Variants in PBRM1 observed in about 807,000 individuals in gnomAD.
The protein encoded by PBRM1 is polybromo 1.
PBRM1 carries 27 observed loss-of-function variants against 194.5 expected under a neutral mutation model. The observed-to-expected ratio is 0.14, with a 90% CI of 0.10 to 0.19. The LOEUF is 0.19. PBRM1 is among the 10% of genes least tolerant of loss of function. PBRM1 has a pLI of 1.00. For missense variants in PBRM1, 1,466 were observed against 2,077.2 expected (o/e 0.71, Z 5.72); for synonymous variants, 655 against 693.2 (o/e 0.94, Z 0.87).
rs543268485 is a variant in PBRM1, at chr3:52,565,646, T to C, written c.3692-1413A>G. ...GTAAGAGTCTAGTATACAGAATATA[T>C]ATTCCTACAACTCAACATTAAGACA... On this transcript the variant is annotated intron_variant, in intron 22 of 29. Transcript: ENST00000296302. Among the ~76,000 whole-genome samples, 137 of 152,116 alleles carry C rather than the reference T, an allele frequency of 9.0e-4. 1 individual carries two copies. The highest frequency in any genetic ancestry group is 3.4e-3 in the Middle Eastern group (1 of 294).
intron 17 of PBRM1, among the ~76,000 whole-genome samples, chr3:52,593,979 A>G (rs1258723237): frequency 6.6e-6 from 1 of 152,308 alleles, no homozygotes; most frequent in Admixed American, 6.5e-5. Context: ...CCGGAATATC[A>G]TTGTTAATTT....
At position 52,609,733 on chromosome 3, in the gene PBRM1, T is replaced by C. The variant is rs569156539; in HGVS notation, c.2147A>G (p.Asn716Ser). 1.4e-4 allele frequency: 227 copies of C among 1,610,078 alleles called. 1 individual carries two copies. The South Asian group carries it at 2.3e-3, about 16-fold the overall frequency. ...CATAGAGTCAATATCTTGGTACTTGTTGGCCATCATGTGACTTCGAATTTT... is the reference window on the plus strand; with the variant it reads ...CATAGAGTCAATATCTTGGTACTTGCTGGCCATCATGTGACTTCGAATTTT... Residue 716 changes from asparagine (N) to serine (S), a missense_variant, in exon 16 of 30, where the codon AAC becomes AGC. By Grantham distance (46) the Asn-to-Ser change is conservative (BLOSUM62 1). Transcript: ENST00000296302. The surrounding 1 kb of genome is among the most constrained non-coding windows in gnomAD (Gnocchi z 4.1).
exon 29 of PBRM1, chr3:52,550,535 C>T: frequency 6.4e-7 from 1 of 1,571,332 alleles, no homozygotes; most frequent in East Asian, 2.2e-5. Flanking sequence ...GGGGGAGCTA[C>T]AAACATGGGT....
At chr3:52,589,034 C>T (rs1452343083) in intron 18 of PBRM1, 36 bp downstream of exon 20, 3 of 1,491,986 alleles carry the variant, frequency 2.0e-6, no homozygotes, top group Non-Finnish European at 2.8e-6. Flanking sequence ...ACAGTCATAT[C>T]TCACTAAACT....
intron 4 of PBRM1, among the ~76,000 whole-genome samples, chr3:52,659,501 A>G (rs2096674251): frequency 1.3e-5 from 2 of 152,140 alleles, no homozygotes. Context: ...GGCTCACTGC[A>G]GCCTCTAACT....
intron 22 of PBRM1, among the ~76,000 whole-genome samples, chr3:52,567,565 C>CAAAAAAAAAAAAAAAAGAAAAA (rs2085673379): frequency 1.1e-5 from 1 of 91,704 alleles, no homozygotes; most frequent in Non-Finnish European, 2.2e-5. Context: ...TAGGTAATCT[C>CAAAAAAAAAAAAAAAAGAAAAA]AAAAAAAAAA....
At chr3:52,617,921 C>G (rs540520614) in intron 13 of PBRM1, among the ~76,000 whole-genome samples, 2 of 152,058 alleles carry the variant, frequency 1.3e-5, no homozygotes, top group Non-Finnish European at 2.9e-5. Context: ...CAATTCTCTA[C>G]GGTTATAATA....
intron 16 of PBRM1, among the ~76,000 whole-genome samples, chr3:52,606,237 G>T (rs769239758): frequency 1.1e-4 from 16 of 151,834 alleles, no homozygotes; most frequent in Non-Finnish European, 2.1e-4. Context: ...TCAAGCTCCT[G>T]AGTGCAAGCC....
In PBRM1 at chr3:52,554,767, ATGG is replaced by A. The variant is rs2081870495; in HGVS notation, c.4563_4565del (p.His1522del). 4 of 1,577,708 alleles carry A rather than the reference ATGG, an allele frequency of 2.5e-6. No individual in the cohort carries two copies. The South Asian group carries it at 4.7e-5, about 18-fold the overall frequency. On this transcript the variant is annotated inframe_deletion, in exon 27 of 30. Transcript: ENST00000296302. ...GGAGGCCAGGCACACCTGGCGGAAG[ATGG>A]TGGGGTGGAGGCCCCCCAGGGTGAA...
chr3:52,565,786 C>T (rs1180550665), intron 22 of PBRM1, among the ~76,000 whole-genome samples: 1 of 152,140 alleles, frequency 6.6e-6, no homozygotes, highest in African/African-American at 2.4e-5. Flanking sequence ...CGCAGTGGCT[C>T]ATGTCTGTAA....
At chr3:52,627,180 A>C (rs1454739744) in intron 13 of PBRM1, 93 bp downstream of exon 14, 1 of 677,402 alleles carries the variant, frequency 1.5e-6, no homozygotes, top group Admixed American at 2.7e-5. Flanking sequence ...AAAGCTTACA[A>C]CTTGATAGCT....
intron 16 of PBRM1, among the ~76,000 whole-genome samples, chr3:52,606,916 G>A (rs2094377016): frequency 6.6e-6 from 1 of 152,168 alleles, no homozygotes; most frequent in Non-Finnish European, 1.5e-5. Context: ...TCACCTGAGT[G>A]AATTTTTCTC....
At chr3:52,634,661 C>T (rs748745063) in exon 11 of PBRM1, 3 of 1,613,510 alleles carry the variant, frequency 1.9e-6, no homozygotes, top group Non-Finnish European at 1.7e-6. Context: ...GGTATTTTTT[C>T]TTTGAAGGCA....
intron 19 of PBRM1, 127 bp downstream of exon 21, chr3:52,587,226 T>C (rs1449402098): frequency 1.1e-5 from 8 of 745,706 alleles, no homozygotes; most frequent in African/African-American, 1.8e-5. Flanking sequence ...CATATAGCTA[T>C]ATAGACACGG....
chr3:52,638,826 T>C (rs2095936420), intron 10 of PBRM1, among the ~76,000 whole-genome samples: 1 of 152,034 alleles, frequency 6.6e-6, no homozygotes, highest in African/African-American at 2.4e-5. Context: ...CTTGAACTCC[T>C]GGACTCAAGT....
At chr3:52,613,339 T>C (rs1179817768) in intron 15 of PBRM1, among the ~76,000 whole-genome samples, 1 of 145,234 alleles carries the variant, frequency 6.9e-6, no homozygotes, top group Non-Finnish European at 1.5e-5. Flanking sequence ...ACTATTCTGT[T>C]TTTTTTTTTT....
intron 11 of PBRM1, among the ~76,000 whole-genome samples, chr3:52,631,099 G>A (rs1173723931): frequency 6.6e-6 from 1 of 151,914 alleles, no homozygotes; most frequent in Non-Finnish European, 1.5e-5. Flanking sequence ...ATTTTAATAA[G>A]ACCAAAAAAA....
chr3:52,578,920 G>C (rs2090379052), intron 21 of PBRM1, 134 bp downstream of exon 23: 1 of 808,972 alleles, frequency 1.2e-6, no homozygotes, highest in South Asian at 1.4e-5. Flanking sequence ...TGGTTGGAGG[G>C]GAACATGGTG....
At chr3:52,681,652 G>A, upstream of PBRM1, 2 of 898,550 alleles carry the variant, frequency 2.2e-6, no homozygotes, top group Non-Finnish European at 2.7e-6. Flanking sequence ...AAAAGTCAAG[G>A]AAGGACAGAA....
Sources: gnomAD v4.1 joint callset for allele counts (sites outside exome capture counted in the v4.1 genomes callset) on GRCh38, gnomAD v4.1.1 for gene constraint, Gnocchi (gnomAD v3.1) non-coding constraint, MANE v1.5 for transcripts, NCBI Gene and HGNC (gene_info 2026-07-23, HGNC 2026-07-21) for gene names.